Variants in ANO4 observed in about 807,000 individuals in gnomAD.
ANO4 encodes the protein anoctamin-4.
In ANO4, 69 loss-of-function variants were observed where a neutral mutation model predicts 141.9. The ratio of observed to expected loss-of-function variants is 0.49; its 90% confidence interval spans 0.40 to 0.59. The LOEUF (loss-of-function observed/expected upper bound fraction) is 0.59. Ranked by LOEUF, ANO4 falls within the 20% of genes least tolerant of loss-of-function variation. ANO4 has a pLI of 0.00. For synonymous variants in ANO4, 350 were observed against 394.3 expected, an observed-to-expected ratio of 0.89 and a Z score of 1.33; for missense variants, 894 against 1,162.2, an observed-to-expected ratio of 0.77 and a Z score of 3.36.
intron 15 of ANO4, among the ~76,000 whole-genome samples, chr12:101,079,555 T>C (rs891641241): frequency 6.6e-6 from 1 of 152,074 alleles, no homozygotes; most frequent in African/African-American, 2.4e-5. Context: ...TTTTTTCCAT[T>C]TTCTTAAAAA....
chr12:100,934,483 C>A (rs1220891722), intron 3 of ANO4, among the ~76,000 whole-genome samples: 1 of 151,740 alleles, frequency 6.6e-6, no homozygotes, highest in African/African-American at 2.4e-5. Flanking sequence ...CAGTACCATG[C>A]TGTTTTGGTA....
chr12:100,857,000 C>T (rs1000541898), intron 1 of ANO4, among the ~76,000 whole-genome samples: 2 of 152,024 alleles, frequency 1.3e-5, no homozygotes, highest in African/African-American at 4.8e-5. Context: ...TCTTTCTTCT[C>T]TAGTTAGTGA....
intron 8 of ANO4, among the ~76,000 whole-genome samples, chr12:101,012,098 G>C (rs990511619): frequency 2.0e-5 from 3 of 152,020 alleles, no homozygotes; most frequent in Non-Finnish European, 4.4e-5. Context: ...TACAAAAAAA[G>C]TTAAAATTTA....
chr12:101,014,602 C>T (rs1192973647), intron 8 of ANO4, among the ~76,000 whole-genome samples: 1 of 152,138 alleles, frequency 6.6e-6, no homozygotes, highest in Non-Finnish European at 1.5e-5. Context: ...TGGAGCAAAA[C>T]AGATGTTTTC....
At chr12:100,961,626 A>G (rs1244237225) in intron 5 of ANO4, among the ~76,000 whole-genome samples, 1 of 152,246 alleles carries the variant, frequency 6.6e-6, no homozygotes, top group Non-Finnish European at 1.5e-5. Flanking sequence ...GAATTTAATA[A>G]TAGTTTTGCT....
intron 2 of ANO4, among the ~76,000 whole-genome samples, chr12:100,920,807 A>T (rs1001948727): frequency 6.6e-6 from 1 of 152,170 alleles, no homozygotes; most frequent in Admixed American, 6.6e-5. Flanking sequence ...CTGTCTCTAT[A>T]TAAATGCCAG....
chr12:100,907,475 A>G (rs2040898553), intron 2 of ANO4, among the ~76,000 whole-genome samples: 1 of 152,204 alleles, frequency 6.6e-6, no homozygotes, highest in South Asian at 2.1e-4. Context: ...AAGCCTTATC[A>G]AAGTCCATCT....
chr12:100,875,475 C>G (rs2039253545), intron 1 of ANO4, among the ~76,000 whole-genome samples: 1 of 152,156 alleles, frequency 6.6e-6, no homozygotes, highest in Non-Finnish European at 1.5e-5. Flanking sequence ...AAAGAAGGAA[C>G]TGGGTTTGGT....
chr12:101,071,338 T>TA (rs541823846), intron 14 of ANO4, among the ~76,000 whole-genome samples: 8,005 of 137,690 alleles, frequency 0.058, 620 homozygotes, highest in African/African-American at 0.19. Flanking sequence ...AGTCAGCCAT[T>TA]AAAAAAAAAA....
intron 3 of ANO4, among the ~76,000 whole-genome samples, chr12:100,776,044 A>C (rs533566229): frequency 6.6e-6 from 1 of 152,186 alleles, no homozygotes; most frequent in African/African-American, 2.4e-5. Flanking sequence ...AGTGCTTACT[A>C]TATGCCAAGC....
At chr12:100,867,805 C>T (rs1252472780) in intron 1 of ANO4, among the ~76,000 whole-genome samples, 1 of 152,146 alleles carries the variant, frequency 6.6e-6, no homozygotes, top group Non-Finnish European at 1.5e-5. Context: ...TCTGCAATTC[C>T]TCCAGGTGTG....
At chr12:101,003,136 C>G (rs898376692) in intron 8 of ANO4, among the ~76,000 whole-genome samples, 2 of 152,222 alleles carry the variant, frequency 1.3e-5, no homozygotes, top group Admixed American at 6.5e-5. Flanking sequence ...AGGTTAGAGA[C>G]TGTGTCAGCC....
At chr12:100,919,666 GTC>G (rs974710041) in intron 2 of ANO4, among the ~76,000 whole-genome samples, 20 of 138,954 alleles carry the variant, frequency 1.4e-4, no homozygotes, top group African/African-American at 5.2e-4. Flanking sequence ...CTTGGGACAT[GTC>G]TCTGTGTGTG....
At chr12:100,729,360 CAAAAAAAAAAAAAAAA>C (rs1156522144) in intron 1 of ANO4, among the ~76,000 whole-genome samples, 1 of 22,568 alleles carries the variant, frequency 4.4e-5, no homozygotes, top group African/African-American at 1.3e-4. Flanking sequence ...AACTCTGTCT[CAAAAAAAAAAAAAAAA>C]AAAAAAAAAA....
intron 14 of ANO4, among the ~76,000 whole-genome samples, chr12:101,076,923 G>A (rs148863350): frequency 2.4e-3 from 367 of 152,282 alleles, no homozygotes; most frequent in Non-Finnish European, 4.2e-3. Flanking sequence ...GAGGGCAAGC[G>A]TGCAGCAAAG....
At chr12:100,998,994 A>G (rs1047793454) in intron 8 of ANO4, among the ~76,000 whole-genome samples, 1 of 152,202 alleles carries the variant, frequency 6.6e-6, no homozygotes, top group African/African-American at 2.4e-5. Flanking sequence ...CAGAAGGGTT[A>G]AGTAACTTAT....
chr12:100,906,077 A>G, intron 2 of ANO4, among the ~76,000 whole-genome samples: 1 of 152,216 alleles, frequency 6.6e-6, no homozygotes, highest in Non-Finnish European at 1.5e-5. Flanking sequence ...ATTCATAGTC[A>G]TGAAACTAAA....
At chr12:100,758,147 G>A (rs534747748) in intron 3 of ANO4, among the ~76,000 whole-genome samples, 1 of 152,314 alleles carries the variant, frequency 6.6e-6, no homozygotes, top group South Asian at 2.1e-4. Context: ...TAACTGCAAT[G>A]CTCTGATTCA....
intron 9 of ANO4, among the ~76,000 whole-genome samples, chr12:101,024,604 A>C (rs1265191556): frequency 4.6e-5 from 7 of 151,990 alleles, no homozygotes; most frequent in Non-Finnish European, 1.0e-4. Context: ...TCAAAAAAAA[A>C]AAAAGTTATC....
Sources: gnomAD v4.1 joint callset for allele counts (sites outside exome capture counted in the v4.1 genomes callset) on GRCh38, gnomAD v4.1.1 for gene constraint, MANE v1.5 for transcripts, NCBI Gene and HGNC (gene_info 2026-07-23, HGNC 2026-07-21) for gene names.